ADISSP: variants seen among roughly 807,000 people sequenced by gnomAD.
ADISSP encodes adipose secreted signaling protein, also known as adipose-secreted signaling protein.
At chr20:3,763,380 A>C in the ADISSP span, among the ~76,000 whole-genome samples, 2 of 151,646 alleles carry the variant, frequency 1.3e-5, no homozygotes, top group Non-Finnish European at 2.9e-5. Context: ...CAACATGGAG[A>C]AACCCTGTCT....
At chr20:3,759,728 C>T in the ADISSP span, among the ~76,000 whole-genome samples, 3 of 152,122 alleles carry the variant, frequency 2.0e-5, no homozygotes, top group Admixed American at 6.5e-5. This position sits in a 1 kb window ranked among gnomAD's most constrained non-coding sequence, Gnocchi z 4.6. Context: ...CCCAAACTCC[C>T]TTCCACAGCC....
At chr20:3,756,003 A>T in the ADISSP span, among the ~76,000 whole-genome samples, 2 of 152,134 alleles carry the variant, frequency 1.3e-5, no homozygotes, top group South Asian at 4.1e-4. Flanking sequence ...GGCACCACCC[A>T]CTGCCTACAA....
chr20:3,755,369 C>A, the ADISSP span: 1 of 1,162,626 alleles, frequency 8.6e-7, no homozygotes, highest in East Asian at 2.4e-5. Flanking sequence ...GCCACATCCC[C>A]GACTTGCTGA....
At chr20:3,765,881 C>T in the ADISSP span, among the ~76,000 whole-genome samples, 1 of 152,080 alleles carries the variant, frequency 6.6e-6, no homozygotes, top group African/African-American at 2.4e-5. Flanking sequence ...AACATGGTGC[C>T]TCCCCGCCAG....
the ADISSP span, chr20:3,768,302 C>T: frequency 6.5e-6 from 1 of 152,760 alleles, no homozygotes; most frequent in Non-Finnish European, 1.5e-5. Flanking sequence ...CCCTTCCACC[C>T]CATCCCCTGT....
chr20:3,765,317 C>A, the ADISSP span, among the ~76,000 whole-genome samples: 1 of 152,192 alleles, frequency 6.6e-6, no homozygotes, highest in Non-Finnish European at 1.5e-5. Flanking sequence ...TGCCTCCAGC[C>A]TCCTCCTGTG....
chr20:3,759,912 G>A, the ADISSP span: 2 of 1,172,004 alleles, frequency 1.7e-6, no homozygotes, highest in African/African-American at 1.5e-5. The surrounding 1 kb of genome is among the most constrained non-coding windows in gnomAD (Gnocchi z 4.6). Context: ...CCCAGAACCT[G>A]GCACAAACAC....
the ADISSP span, among the ~76,000 whole-genome samples, chr20:3,763,557 C>CA: frequency 0.56 from 65,303 of 117,368 alleles, 16,877 homozygotes; most frequent in East Asian, 0.66. Context: ...AACTCCGTCT[C>CA]AAAAAAAAAA....
the ADISSP span, among the ~76,000 whole-genome samples, chr20:3,756,127 C>T: frequency 1.3e-5 from 2 of 152,158 alleles, no homozygotes; most frequent in Admixed American, 6.5e-5. Context: ...CCACAGATAG[C>T]GTGGGATGAG....
the ADISSP span, chr20:3,759,906 G>A: frequency 8.9e-7 from 1 of 1,122,680 alleles, no homozygotes; most frequent in Non-Finnish European, 1.3e-6. The surrounding 1 kb of genome is among the most constrained non-coding windows in gnomAD (Gnocchi z 4.6). Context: ...GTGAGCCCCA[G>A]AACCTGGCAC....
At chr20:3,758,748 G>A in the ADISSP span, 92 of 1,488,088 alleles carry the variant, frequency 6.2e-5, 1 homozygote, top group Middle Eastern at 1.8e-4. This position sits in a 1 kb window ranked among gnomAD's most constrained non-coding sequence, Gnocchi z 5.5. Context: ...TTGTCCCCTC[G>A]TCACCCCCAA....
chr20:3,759,192 A>C, the ADISSP span, among the ~76,000 whole-genome samples: 1 of 152,144 alleles, frequency 6.6e-6, no homozygotes, highest in African/African-American at 2.4e-5. The surrounding 1 kb of genome is among the most constrained non-coding windows in gnomAD (Gnocchi z 4.6). Flanking sequence ...GGGGTGGCAG[A>C]AACAGGGGGG....
chr20:3,759,010 A>G, the ADISSP span, among the ~76,000 whole-genome samples: 1 of 152,012 alleles, frequency 6.6e-6, no homozygotes, highest in East Asian at 1.9e-4. The surrounding 1 kb of genome is among the most constrained non-coding windows in gnomAD (Gnocchi z 4.6). Context: ...GCAGCGTGGG[A>G]CTCAGCCCAG....
the ADISSP span, among the ~76,000 whole-genome samples, chr20:3,756,002 C>T: frequency 1.3e-5 from 2 of 152,224 alleles, no homozygotes; most frequent in African/African-American, 2.4e-5. Flanking sequence ...AGGCACCACC[C>T]ACTGCCTACA....
chr20:3,753,985 C>T, the ADISSP span: 1 of 1,180,444 alleles, frequency 8.5e-7, no homozygotes, highest in South Asian at 1.3e-5. Context: ...GAAGCCACAC[C>T]ATCACGCAGC....
At chr20:3,753,913 G>A in the ADISSP span, 5 of 640,800 alleles carry the variant, frequency 7.8e-6, no homozygotes, top group East Asian at 8.2e-5. Context: ...ACAAATGAAG[G>A]CAGAGGTGAG....
the ADISSP span, among the ~76,000 whole-genome samples, chr20:3,760,811 C>G: frequency 6.6e-6 from 1 of 152,170 alleles, no homozygotes; most frequent in African/African-American, 2.4e-5. Flanking sequence ...TCCGCCTCAG[C>G]TCCCCAACGG....
the ADISSP span, among the ~76,000 whole-genome samples, chr20:3,756,200 G>A: frequency 1.3e-5 from 2 of 152,256 alleles, no homozygotes; most frequent in African/African-American, 4.8e-5. Flanking sequence ...CTGGCCCACA[G>A]GCCTGGCACC....
At chr20:3,755,527 G>A in the ADISSP span, 40 of 1,613,220 alleles carry the variant, frequency 2.5e-5, no homozygotes, top group African/African-American at 2.4e-4. Context: ...CAGGTGCCTC[G>A]CGGACATCCT....
Sources: allele counts gnomAD v4.1 joint callset (sites outside exome capture counted in the v4.1 genomes callset), GRCh38; gene constraint gnomAD v4.1.1; non-coding constraint Gnocchi (gnomAD v3.1); transcripts MANE v1.5; gene names NCBI Gene and HGNC (gene_info 2026-07-23, HGNC 2026-07-21).